The following PHKA1 variants were observed in gnomAD, a reference collection of about 807,000 sequenced individuals.
The protein encoded by PHKA1 is phosphorylase kinase regulatory subunit alpha 1, also known as phosphorylase b kinase regulatory subunit alpha, skeletal muscle isoform.
A neutral mutation model predicts 110.2 loss-of-function variants in PHKA1; 60 were observed. The observed-to-expected ratio is 0.54, with a 90% CI of 0.44 to 0.68. The LOEUF is 0.68. Among genes scored for constraint, PHKA1 ranks in the 30% least tolerant of loss-of-function variants. The pLI is 0.00. For synonymous variants in PHKA1, 316 were observed against 333.6 expected (o/e 0.95, Z 0.58); for missense variants, 801 against 942.5 (o/e 0.85, Z 1.97).
intron 14 of PHKA1, 112 bp from the exon 15 acceptor site, chrX:72,636,498 T>C (rs2053232261): frequency 2.0e-6 from 1 of 510,624 alleles, no homozygotes; most frequent in Non-Finnish European, 3.6e-6. Flanking sequence ...TATATACATA[T>C]AGACACACAC....
chrX:72,618,508 T>C (rs184669092), intron 21 of PHKA1, among the ~76,000 whole-genome samples: 21 of 111,795 alleles, frequency 1.9e-4, no homozygotes, highest in Admixed American at 1.5e-3. Flanking sequence ...TATATCTTAA[T>C]CTTTACAATA....
intron 21 of PHKA1, among the ~76,000 whole-genome samples, chrX:72,614,205 C>T (rs916617968): frequency 9.0e-6 from 1 of 110,975 alleles, no homozygotes; most frequent in Non-Finnish European, 1.9e-5. Context: ...AGATGGGGAT[C>T]GTGTCTGCCA....
intron 16 of PHKA1, among the ~76,000 whole-genome samples, chrX:72,628,361 G>A (rs940344381): frequency 1.2e-4 from 13 of 108,463 alleles, no homozygotes; most frequent in African/African-American, 4.4e-4. Flanking sequence ...TTCGTGTTTT[G>A]TGGATATTAC....
intron 9 of PHKA1, 75 bp from the exon 10 acceptor site, chrX:72,656,317 C>T (rs1304143631): frequency 2.0e-5 from 21 of 1,062,242 alleles, no homozygotes; most frequent in African/African-American, 1.5e-4. Context: ...TATTATAATA[C>T]GGGTTTTCAT....
At chrX:72,595,374 C>T (rs1231609291) in intron 28 of PHKA1, among the ~76,000 whole-genome samples, 7 of 110,897 alleles carry the variant, frequency 6.3e-5, no homozygotes, top group African/African-American at 1.3e-4. Context: ...GGCTTCCCCC[C>T]GAAGATCAGA....
At chrX:72,637,372 T>C (rs2053242495) in intron 14 of PHKA1, among the ~76,000 whole-genome samples, 1 of 112,223 alleles carries the variant, frequency 8.9e-6, no homozygotes, top group Non-Finnish European at 1.9e-5. Flanking sequence ...GTAGCATATG[T>C]CAGAATCTCC....
At chrX:72,692,145 A>G (rs1556322422) in intron 4 of PHKA1, among the ~76,000 whole-genome samples, 3 of 112,139 alleles carry the variant, frequency 2.7e-5, no homozygotes, top group Non-Finnish European at 5.6e-5. Flanking sequence ...CACTGACATG[A>G]TGTATTGCAT....
At chrX:72,628,545 T>C in intron 16 of PHKA1, among the ~76,000 whole-genome samples, 1 of 104,030 alleles carries the variant, frequency 9.6e-6, no homozygotes, top group Middle Eastern at 5.0e-3. Context: ...ATAACAAAAA[T>C]ATTCCCATAT....
At position 72,586,595 on chromosome X, in the gene PHKA1, G is replaced by C. The variant is rs370320920; in HGVS notation, c.3244-2293C>G. On this transcript the variant is annotated intron_variant, in intron 29 of 31. Coordinates refer to ENST00000373542, the MANE Select transcript of PHKA1 (RefSeq NM_002637.4). ...GGAGAATGACTTTGACAAGCTGACA[G>C]AAGTAGGCTTCAGAAGGTTGGTAAC... 1.2e-4 allele frequency among the ~76,000 whole-genome samples: 13 copies of C among 111,488 alleles called. No individual in the cohort carries two copies. In the East Asian group the frequency reaches 2.6e-3, roughly 22 times the overall value.
Position 72,657,635 on chromosome X carries a change from A to G in PHKA1, c.871T>C (p.Tyr291His), listed in dbSNP as rs1556302069. Residue 291 changes from tyrosine to histidine, a missense_variant, in exon 9 of 32, where the codon TAT (tyrosine) becomes CAT (histidine). Physicochemically the swap from Tyr to His is moderately conservative, Grantham distance 83. Coordinates refer to ENST00000373542, the MANE Select transcript of PHKA1 (RefSeq NM_002637.4). Reference sequence around the variant, plus strand: ...TCTCGTAGAAAGCGACAGCAACCATAACGACCCTGGGAATACAAAGAAAAA... The same window carrying G: ...TCTCGTAGAAAGCGACAGCAACCATGACGACCCTGGGAATACAAAGAAAAA... ...QEIITKLQGRYGCCRFLRDGY... is the reference protein window; with the variant it reads ...QEIITKLQGRHGCCRFLRDGY... 1.1e-5 allele frequency: 13 copies of G among 1,192,015 alleles called. No individual in the cohort carries two copies. In the South Asian group the frequency reaches 2.3e-4, roughly 21 times the overall value.
rs370354198 is a variant in PHKA1, at chrX:72,629,450, T to A, written c.1715-2401A>T. On this transcript the variant is annotated intron_variant, in intron 16 of 31. Transcript: ENST00000373542. ...CCTCTATTTCTGTTGCTATATCTCC[T>A]TTGTCTTTCCTAACACTTTTACTAC... Among the ~76,000 whole-genome samples, 43 of 111,917 alleles carry A rather than the reference T, an allele frequency of 3.8e-4. No individual in the cohort carries two copies. In the South Asian group the frequency reaches 8.1e-3, roughly 21 times the overall value.
At chrX:72,611,689 G>T (rs1472029444) in intron 21 of PHKA1, among the ~76,000 whole-genome samples, 2 of 111,910 alleles carry the variant, frequency 1.8e-5, no homozygotes, top group African/African-American at 3.2e-5. Context: ...GATAGGAAAA[G>T]GTGCTCAACC....
chrX:72,705,125 A>G, intron 3 of PHKA1, 73 bp downstream of exon 3: 1 of 815,557 alleles, frequency 1.2e-6, no homozygotes, highest in Non-Finnish European at 1.8e-6. Flanking sequence ...ATAAGCTATA[A>G]ACATTCCCTA....
chrX:72,688,414 T>A (rs1286245860), intron 4 of PHKA1, among the ~76,000 whole-genome samples: 1 of 112,527 alleles, frequency 8.9e-6, no homozygotes, highest in Admixed American at 9.4e-5. Context: ...CATCTTTGTG[T>A]GACAATGCGA....
In PHKA1 at chrX:72,650,398, A is replaced by G; in HGVS notation, c.1316T>C (p.Val439Ala). The change falls in exon 13 of 32, where the codon GTG (valine) becomes GCG (alanine). Residue 439 changes from valine to alanine, a missense_variant. Physicochemically the swap from Val to Ala is moderately conservative, Grantham distance 64. Around this residue, in one of 2 missense-constraint regions of PHKA1, gnomAD observed 299 missense variants for 423.3 expected, o/e 0.71. Coordinates refer to ENST00000373542, the MANE Select transcript of PHKA1 (RefSeq NM_002637.4). Reference protein sequence around the residue: ...RFSTVPKPDVVVQVSILAETE... With the variant: ...RFSTVPKPDVAVQVSILAETE... ...GGAATAAGAATACATACCTTGAACC[A>G]CAACATCGGGCTTCGGTACAGTAGA... 4 of 1,207,860 alleles carry G rather than the reference A, an allele frequency of 3.3e-6. No individual in the cohort carries two copies. Among genetic ancestry groups the G allele is most frequent in the Non-Finnish European group, 3.4e-6 (3 of 891,924 alleles).
chrX:72,652,525 C>G lies in PHKA1; in HGVS notation c.1245+19G>C, dbSNP rs939164130. On this transcript the variant is annotated intron_variant, in intron 12 of 31. Coordinates refer to ENST00000373542, the MANE Select transcript of PHKA1 (RefSeq NM_002637.4). ...CTTAAGGCAGAAAAAAGTGGGACAGCCTTGAAGATTCCTCTTACCTCTGCC... is the reference window on the plus strand; with the variant it reads ...CTTAAGGCAGAAAAAAGTGGGACAGGCTTGAAGATTCCTCTTACCTCTGCC... 2 of 921,843 alleles carry G rather than the reference C, an allele frequency of 2.2e-6. No individual in the cohort carries two copies. Among genetic ancestry groups the G allele is most frequent in the Non-Finnish European group, 3.2e-6 (2 of 631,565 alleles). The allele number at this position is 921,843 out of a possible 1,213,427, so 76.0% of individuals were successfully genotyped here.
rs1328367233 is a variant in PHKA1 at position 72,619,259 on chromosome X, A to C, written c.2184T>G (p.Pro728=). ...LPTKLFQASR[P]SFNLLDSPHP... ...GAGGTGAATCAAGTAAGTTGAATGAAGGCCGGGAAGCCTGAAATAACTTCG... is the reference window on the plus strand; with the variant it reads ...GAGGTGAATCAAGTAAGTTGAATGACGGCCGGGAAGCCTGAAATAACTTCG... The change falls in exon 20 of 32, where the codon CCT becomes CCG. Residue 728 remains proline (P), a synonymous_variant. Coordinates refer to ENST00000373542, the MANE Select transcript of PHKA1 (RefSeq NM_002637.4). 1 of 1,195,806 alleles carries C rather than the reference A, an allele frequency of 8.4e-7. No homozygotes were observed. Among genetic ancestry groups the C allele is most frequent in the African/African-American group, 1.8e-5 (1 of 56,988 alleles).
In PHKA1 at chrX:72,680,282, G is replaced by A. The variant is rs1162760168; in HGVS notation, c.538-4132C>T. On this transcript the variant is annotated intron_variant, in intron 5 of 31. Coordinates refer to ENST00000373542, the MANE Select transcript of PHKA1 (RefSeq NM_002637.4). ...ACCCACCTCGGCCTCCCAAAGTGCTGGGATTACAGGCATGAGCCACCATGC... is the reference window on the plus strand; with the variant it reads ...ACCCACCTCGGCCTCCCAAAGTGCTAGGATTACAGGCATGAGCCACCATGC... Among the ~76,000 whole-genome samples the A allele has an allele frequency of 6.2e-5, 7 of 112,096 alleles. No individual in the cohort carries two copies. In the Admixed American group the frequency reaches 6.6e-4, roughly 10 times the overall value.
chrX:72,676,176 T>C, intron 5 of PHKA1, 26 bp from the exon 6 acceptor site: 2 of 1,117,829 alleles, frequency 1.8e-6, no homozygotes, highest in Non-Finnish European at 2.5e-6. Flanking sequence ...CAATATACAA[T>C]TAGCAAGTCA....
Sources: gnomAD v4.1 joint callset for allele counts (sites outside exome capture counted in the v4.1 genomes callset) on GRCh38, gnomAD v4.1.1 for gene constraint, gnomAD v4.1.1 regional missense constraint, MANE v1.5 for transcripts, NCBI Gene and HGNC (gene_info 2026-07-23, HGNC 2026-07-21) for gene names.